CDH18: variants seen among roughly 807,000 people sequenced by gnomAD.
CDH18 encodes cadherin 18.
CDH18 carries 31 observed loss-of-function variants against 67.9 expected under a neutral mutation model. The observed-to-expected ratio is 0.46, with a 90% CI of 0.34 to 0.62. The LOEUF is 0.62. Ranked by LOEUF, CDH18 falls within the 20% of genes least tolerant of loss-of-function variation. The pLI, the probability that CDH18 is intolerant of heterozygous loss-of-function variation, is 0.01. For synonymous variants in CDH18, 362 were observed against 347.2 expected, an observed-to-expected ratio of 1.04 and a Z score of -0.48; for missense variants, 890 against 975.5, an observed-to-expected ratio of 0.91 and a Z score of 1.17.
At chr5:19,873,056 T>C (rs981303367) in intron 2 of CDH18, among the ~76,000 whole-genome samples, 3 of 152,150 alleles carry the variant, frequency 2.0e-5, no homozygotes, top group Admixed American at 1.3e-4. Context: ...GTACTAATTT[T>C]TATGTTGCTA....
intron 2 of CDH18, among the ~76,000 whole-genome samples, chr5:20,107,392 T>C (rs1308094722): frequency 6.6e-6 from 1 of 152,218 alleles, no homozygotes; most frequent in African/African-American, 2.4e-5. Context: ...ATAACTTTCC[T>C]GAACAGAAAT....
rs573398998 is a variant in CDH18 at position 20,366,202 on chromosome 5, C to A, written c.-579-110697G>T. On this transcript the variant is annotated intron_variant, in intron 1 of 14. Transcript: ENST00000507958. ...AAATTGATGATCTTCCAGACCCACACCTCCTTTATCTCCAGTGCTCCCTAT... is the reference window on the plus strand; with the variant it reads ...AAATTGATGATCTTCCAGACCCACAACTCCTTTATCTCCAGTGCTCCCTAT... Among the ~76,000 whole-genome samples, 238 of 152,246 alleles carry A rather than the reference C, an allele frequency of 1.6e-3. 1 individual carries two copies. Among genetic ancestry groups the A allele is most frequent in the African/African-American group, 5.5e-3 (230 of 41,554 alleles).
chr5:20,470,614 C>A (rs1243073997), intron 1 of CDH18, among the ~76,000 whole-genome samples: 1 of 152,108 alleles, frequency 6.6e-6, no homozygotes, highest in Non-Finnish European at 1.5e-5. Context: ...ACCTTCACTT[C>A]TGTTAGTATA....
chr5:20,437,147 G>GAAAGCTTAGGA (rs1749230127), intron 1 of CDH18, among the ~76,000 whole-genome samples: 1 of 148,794 alleles, frequency 6.7e-6, no homozygotes. Context: ...CATTGCTTAG[G>GAAAGCTTAGGA]AAAAAAAAAT....
intron 2 of CDH18, among the ~76,000 whole-genome samples, chr5:20,138,954 GA>G (rs1223964517): frequency 6.6e-6 from 1 of 151,896 alleles, no homozygotes; most frequent in African/African-American, 2.4e-5. Context: ...CACAGAATTG[GA>G]AAAAAACCAC....
rs187312977 is a variant in CDH18 at position 19,660,681 on chromosome 5, T to A, written c.644-48080A>T. ...GCTTAAAGAATCGTAGGGAAAATTA[T>A]CAAGTTTAGTTAAACCAAGAAGGCA... On this transcript the variant is annotated intron_variant, in intron 5 of 12. Transcript: ENST00000382275. Among the ~76,000 whole-genome samples the A allele has an allele frequency of 2.9e-3, 440 of 152,276 alleles. 1 individual carries two copies. Among genetic ancestry groups the A allele is most frequent in the Middle Eastern group, 0.017 (5 of 294 alleles).
intron 1 of CDH18, among the ~76,000 whole-genome samples, chr5:20,275,627 A>C (rs1003989773): frequency 2.0e-5 from 3 of 152,042 alleles, no homozygotes; most frequent in Non-Finnish European, 4.4e-5. Context: ...ATTAAGGGGG[A>C]GGTGGAGCAA....
At chr5:19,801,637 A>T (rs951812371) in intron 3 of CDH18, among the ~76,000 whole-genome samples, 2 of 152,224 alleles carry the variant, frequency 1.3e-5, no homozygotes, top group African/African-American at 4.8e-5. Flanking sequence ...TATTTTTCCC[A>T]AGGGAATATA....
intron 1 of CDH18, among the ~76,000 whole-genome samples, chr5:20,347,126 A>G (rs938287669): frequency 1.1e-4 from 16 of 152,130 alleles, no homozygotes; most frequent in African/African-American, 3.6e-4. Flanking sequence ...TCTCCCTTCA[A>G]TGACATGGTT....
At chr5:19,641,088 G>A (rs1181114738) in intron 5 of CDH18, among the ~76,000 whole-genome samples, 1 of 137,158 alleles carries the variant, frequency 7.3e-6, no homozygotes, top group East Asian at 2.1e-4. Flanking sequence ...GGATAATCCA[G>A]AAGAAATGAA....
intron 2 of CDH18, among the ~76,000 whole-genome samples, chr5:20,202,777 A>C (rs2126308763): frequency 6.6e-6 from 1 of 152,150 alleles, no homozygotes; most frequent in East Asian, 1.9e-4. Flanking sequence ...CATACTACAT[A>C]TTTTTGTCTG....
At chr5:19,789,160 A>G (rs970345668) in intron 3 of CDH18, among the ~76,000 whole-genome samples, 8 of 152,196 alleles carry the variant, frequency 5.3e-5, no homozygotes, top group Non-Finnish European at 1.0e-4. Context: ...TTTACAAAAT[A>G]TTAATCTCCT....
chr5:20,460,542 T>C (rs1204838791), intron 1 of CDH18, among the ~76,000 whole-genome samples: 1 of 152,124 alleles, frequency 6.6e-6, no homozygotes, highest in Non-Finnish European at 1.5e-5. Flanking sequence ...GTGCACACCA[T>C]TCTAGGCAGA....
chr5:19,700,989 A>T (rs2150476460), intron 5 of CDH18, among the ~76,000 whole-genome samples: 1 of 152,286 alleles, frequency 6.6e-6, no homozygotes, highest in East Asian at 1.9e-4. Context: ...GAGCAAAAAA[A>T]TAAGCATCGA....
chr5:19,690,624 C>CA (rs144038598), intron 5 of CDH18, among the ~76,000 whole-genome samples: 4,770 of 151,004 alleles, frequency 0.032, 102 homozygotes, highest in Non-Finnish European at 0.049. Context: ...CACAGAAATA[C>CA]AAAAAAAATC....
intron 11 of CDH18, among the ~76,000 whole-genome samples, chr5:19,492,374 G>A (rs766205152): frequency 6.6e-6 from 1 of 152,092 alleles, no homozygotes; most frequent in Non-Finnish European, 1.5e-5. Context: ...ACAAATGAAT[G>A]AACATGGTTA....
rs577426154 is a variant in CDH18, at chr5:19,971,858, A to G, written c.-257+9202T>C. On this transcript the variant is annotated intron_variant, in intron 2 of 12. Transcript: ENST00000382275. Reference sequence around the variant, plus strand: ...TCTAAACTTAAACGTTAAAAAAAAAAAGAGAGAGAGAGAGAGAAAGAAATG... The same window carrying G: ...TCTAAACTTAAACGTTAAAAAAAAAGAGAGAGAGAGAGAGAGAAAGAAATG... 9.1e-3 allele frequency among the ~76,000 whole-genome samples: 1,159 copies of G among 126,934 alleles called. 8 individuals are homozygous for G. The highest frequency in any genetic ancestry group is 0.02 in the South Asian group (93 of 4,728). 83.3% of individuals were successfully genotyped at this position (126,934 alleles called of 152,430 possible).
rs1156415080 is a variant in CDH18, at chr5:19,482,567, T to A, written c.1882+734A>T. ...CTAGTAGAAGTTTCTACAAGTTATC[T>A]ATTTTTTATTTGGTTTTCAGATTCG... On this transcript the variant is annotated intron_variant, in intron 12 of 12. Coordinates refer to ENST00000382275, the MANE Select transcript of CDH18 (RefSeq NM_004934.5). 2.0e-5 allele frequency among the ~76,000 whole-genome samples: 3 copies of A among 152,228 alleles called. No homozygotes were observed. The South Asian group carries it at 6.2e-4, about 31-fold the overall frequency.
intron 2 of CDH18, among the ~76,000 whole-genome samples, chr5:20,045,017 C>T (rs372244261): frequency 6.6e-6 from 1 of 152,014 alleles, no homozygotes; most frequent in East Asian, 1.9e-4. Context: ...TTAGTGGCTA[C>T]CCAAAATTCT....
Sources: gnomAD v4.1 joint callset for allele counts (sites outside exome capture counted in the v4.1 genomes callset) on GRCh38, gnomAD v4.1.1 for gene constraint, MANE v1.5 for transcripts, NCBI Gene and HGNC (gene_info 2026-07-23, HGNC 2026-07-21) for gene names.